QTMAN: variants seen among roughly 807,000 people sequenced by gnomAD.
QTMAN encodes the protein queuosine-tRNA mannosyltransferase.
the QTMAN span, among the ~76,000 whole-genome samples, chr2:144,133,156 A>ATATATAT: frequency 2.0e-5 from 1 of 49,138 alleles, no homozygotes; most frequent in African/African-American, 8.5e-5. Context: ...TATATAATAT[A>ATATATAT]ATATAATATA....
chr2:144,144,884 G>C, the QTMAN span, among the ~76,000 whole-genome samples: 1 of 151,828 alleles, frequency 6.6e-6, no homozygotes, highest in Admixed American at 6.6e-5. Context: ...GACTGTTGCA[G>C]TTATGTGAAT....
the QTMAN span, among the ~76,000 whole-genome samples, chr2:144,151,047 G>A: frequency 1.3e-5 from 2 of 152,114 alleles, no homozygotes; most frequent in East Asian, 3.9e-4. Flanking sequence ...AGATTCAAAG[G>A]TAAGACATGA....
At chr2:144,039,176 A>C in the QTMAN span, among the ~76,000 whole-genome samples, 1 of 152,232 alleles carries the variant, frequency 6.6e-6, no homozygotes, top group African/African-American at 2.4e-5. Context: ...ATACTACATT[A>C]AATGAAATTT....
the QTMAN span, among the ~76,000 whole-genome samples, chr2:144,005,580 T>A: frequency 6.6e-6 from 1 of 152,242 alleles, no homozygotes; most frequent in African/African-American, 2.4e-5. Flanking sequence ...TACTTTTATA[T>A]TTTGGCATTT....
chr2:144,262,759 G>A, the QTMAN span, among the ~76,000 whole-genome samples: 1 of 52,916 alleles, frequency 1.9e-5, no homozygotes, highest in Non-Finnish European at 3.9e-5. Flanking sequence ...GGGGAGGGGA[G>A]GAGAGCAGAG....
the QTMAN span, among the ~76,000 whole-genome samples, chr2:144,116,933 G>A: frequency 6.6e-6 from 1 of 152,180 alleles, no homozygotes; most frequent in Middle Eastern, 3.4e-3. Context: ...GAGGGTCCTG[G>A]GTTTTTGGGG....
chr2:144,298,793 T>C, the QTMAN span, among the ~76,000 whole-genome samples: 1 of 152,238 alleles, frequency 6.6e-6, no homozygotes, highest in African/African-American at 2.4e-5. Context: ...AGAGGGGATA[T>C]GGCAGAGTGT....
At chr2:143,944,642 C>CACCGTTT in the QTMAN span, 1 of 152,358 alleles carries the variant, frequency 6.6e-6, no homozygotes, top group East Asian at 1.9e-4. Flanking sequence ...GATGGGGTTT[C>CACCGTTT]ACCGTGTTAG....
At chr2:144,068,082 G>T in the QTMAN span, among the ~76,000 whole-genome samples, 1 of 151,934 alleles carries the variant, frequency 6.6e-6, no homozygotes, top group African/African-American at 2.4e-5. Context: ...CTTTTTAAAG[G>T]GTATATCATT....
the QTMAN span, among the ~76,000 whole-genome samples, chr2:144,204,512 T>G: frequency 1.3e-5 from 2 of 152,102 alleles, no homozygotes; most frequent in African/African-American, 2.4e-5. Context: ...GGAGAGGATG[T>G]GGAGAAATAG....
At chr2:144,232,944 A>AC in the QTMAN span, among the ~76,000 whole-genome samples, 1 of 152,158 alleles carries the variant, frequency 6.6e-6, no homozygotes, top group Non-Finnish European at 1.5e-5. Flanking sequence ...TCTGTGTTTT[A>AC]CCTTGCATTT....
At chr2:144,118,258 C>G in the QTMAN span, among the ~76,000 whole-genome samples, 1 of 152,038 alleles carries the variant, frequency 6.6e-6, no homozygotes, top group African/African-American at 2.4e-5. Flanking sequence ...CTAATATTTT[C>G]TCATCTGTCT....
At chr2:143,939,304 G>A in the QTMAN span, 1 of 152,160 alleles carries the variant, frequency 6.6e-6, no homozygotes, top group East Asian at 1.9e-4. Flanking sequence ...AATAGCACAG[G>A]ATTAAGTTTA....
the QTMAN span, among the ~76,000 whole-genome samples, chr2:144,136,925 G>T: frequency 3.3e-5 from 5 of 152,016 alleles, no homozygotes; most frequent in Admixed American, 6.6e-5. Flanking sequence ...CATCTTGCAG[G>T]CCTGGAAGCC....
chr2:144,323,177 T>C, the QTMAN span, among the ~76,000 whole-genome samples: 1 of 152,176 alleles, frequency 6.6e-6, no homozygotes, highest in Admixed American at 6.5e-5. Context: ...CATGCAAAAT[T>C]TGGCTAGTTT....
the QTMAN span, chr2:143,952,181 G>A: frequency 8.8e-6 from 6 of 678,346 alleles, no homozygotes; most frequent in Non-Finnish European, 1.6e-5. Flanking sequence ...GCCGCCTCGT[G>A]TTTTACATTA....
At chr2:143,989,577 G>A in the QTMAN span, among the ~76,000 whole-genome samples, 7,956 of 152,176 alleles carry the variant, frequency 0.052, 344 homozygotes, top group African/African-American at 0.12. Context: ...GGAGCAGAAC[G>A]TGAATAAACG....
At chr2:144,324,695 A>G in the QTMAN span, among the ~76,000 whole-genome samples, 2 of 152,212 alleles carry the variant, frequency 1.3e-5, no homozygotes, top group Non-Finnish European at 2.9e-5. Context: ...TCAAGATATG[A>G]ATCACCTTGT....
At chr2:144,053,954 G>A in the QTMAN span, among the ~76,000 whole-genome samples, 7 of 152,168 alleles carry the variant, frequency 4.6e-5, no homozygotes, top group African/African-American at 1.4e-4. Context: ...TTGGGAGGCC[G>A]AGGCAGGCAG....
Sources: gnomAD v4.1 joint callset for allele counts (sites outside exome capture counted in the v4.1 genomes callset) on GRCh38, gnomAD v4.1.1 for gene constraint, MANE v1.5 for transcripts, NCBI Gene and HGNC (gene_info 2026-07-23, HGNC 2026-07-21) for gene names.